The following ZC3H7B variants were observed in gnomAD, a reference collection of about 807,000 sequenced individuals.
ZC3H7B encodes zinc finger CCCH-type containing 7B, also known as zinc finger CCCH domain-containing protein 7B.
A neutral mutation model predicts 116.0 loss-of-function variants in ZC3H7B; 35 were observed. The observed-to-expected ratio is 0.30, with a 90% CI of 0.23 to 0.40. The LOEUF (loss-of-function observed/expected upper bound fraction) is 0.40, where lower values mean the gene tolerates loss of function less well. ZC3H7B is among the 10% of genes least tolerant of loss of function. The pLI is 1.00. For missense variants in ZC3H7B, 1,011 were observed against 1,321.5 expected, an observed-to-expected ratio of 0.77 and a Z score of 3.64; for synonymous variants, 502 against 545.6, an observed-to-expected ratio of 0.92 and a Z score of 1.11.
intron 13 of ZC3H7B, among the ~76,000 whole-genome samples, chr22:41,344,696 G>A (rs1194075284): frequency 6.6e-6 from 1 of 152,212 alleles, no homozygotes; most frequent in African/African-American, 2.4e-5. Flanking sequence ...CAGACTTAGA[G>A]TGGGAGGAGG....
chr22:41,346,603 G>A lies in ZC3H7B; in HGVS notation c.1665+395G>A, dbSNP rs2036588608. Among the ~76,000 whole-genome samples the A allele has an allele frequency of 6.6e-6, 1 of 152,016 alleles. No individual in the cohort carries two copies. The highest frequency in any genetic ancestry group is 1.5e-5 in the Non-Finnish European group (1 of 67,992). The stretch of plus-strand genomic sequence containing the variant: ...GGCTGAGGCGGGCAAATCAATTGAG[G>A]TCAGGAGTTTGAGACCAGCCTGGCC... On this transcript the variant is annotated intron_variant, in intron 14 of 22. Coordinates refer to ENST00000352645, the MANE Select transcript of ZC3H7B (RefSeq NM_017590.6). This position sits in a 1 kb window ranked among gnomAD's most constrained non-coding sequence, Gnocchi z 5.3.
rs1158700408 is a variant in ZC3H7B, at chr22:41,325,917, T to C, written c.284T>C (p.Met95Thr). Residue 95 changes from methionine to threonine, a missense_variant and splice_region_variant, in exon 4 of 23, where the codon ATG becomes ACG. By Grantham distance (81) the Met-to-Thr change is moderately conservative. Coordinates refer to ENST00000352645, the MANE Select transcript of ZC3H7B (RefSeq NM_017590.6). Reference sequence around the variant, plus strand: ...AATAGGGCCGCCTGCTACTTCACCATGGTGAGCCTGGCACCCTCTTTTCTC... The same window carrying C: ...AATAGGGCCGCCTGCTACTTCACCACGGTGAGCCTGGCACCCTCTTTTCTC... The part of the protein sequence containing the change: ...HVNRAACYFT[M>T]GLYEKALEDS... 1.2e-6 allele frequency: 2 copies of C among 1,601,720 alleles called. No homozygotes were observed. Among genetic ancestry groups the C allele is most frequent in the Non-Finnish European group, 1.7e-6 (2 of 1,175,242 alleles).
intron 2 of ZC3H7B, among the ~76,000 whole-genome samples, chr22:41,322,015 A>AG (rs1440531408): frequency 4.1e-5 from 6 of 145,016 alleles, no homozygotes; most frequent in Non-Finnish European, 6.0e-5. Context: ...AATTTTTTGT[A>AG]TTTTTAGTAG....
chr22:41,349,145 A>C lies in ZC3H7B; in HGVS notation c.1792A>C (p.Thr598Pro), dbSNP rs1601793725. The C allele has an allele frequency of 1.2e-6, 2 of 1,613,302 alleles. No individual in the cohort carries two copies. Among genetic ancestry groups the C allele is most frequent in the Non-Finnish European group, 1.7e-6 (2 of 1,179,892 alleles). ...GTGCCTGGTGCACATCGTCCGCTCCACCTCCCTCAAGTACTCCAAGATCCG... is the reference window on the plus strand; with the variant it reads ...GTGCCTGGTGCACATCGTCCGCTCCCCCTCCCTCAAGTACTCCAAGATCCG... ...NKCLVHIVRS[T>P]SLKYSKIRQF... is the part of the protein sequence containing the mutation. Residue 598 changes from threonine (T) to proline (P), a missense_variant, in exon 16 of 23, where the codon ACC (threonine) becomes CCC (proline). Thr to Pro is a conservative substitution (Grantham distance 38). Transcript: ENST00000352645. The surrounding 1 kb of genome is among the most constrained non-coding windows in gnomAD (Gnocchi z 4.9).
chr22:41,356,528 G>A, intron 21 of ZC3H7B, 52 bp downstream of exon 21: 3 of 1,611,664 alleles, frequency 1.9e-6, no homozygotes, highest in Non-Finnish European at 2.5e-6. Context: ...TGTGGTCTGA[G>A]CCTCACCTGG....
chr22:41,348,036 C>G (rs752139791), intron 14 of ZC3H7B, 31 bp from the exon 15 acceptor site: 3 of 1,603,590 alleles, frequency 1.9e-6, no homozygotes, highest in Non-Finnish European at 2.6e-6. Context: ...GGTGGCCATG[C>G]CAGGTCCCAG....
chr22:41,350,008 TG>T (rs1289436033), intron 16 of ZC3H7B, among the ~76,000 whole-genome samples: 1 of 152,116 alleles, frequency 6.6e-6, no homozygotes, highest in African/African-American at 2.4e-5. Context: ...TGAAATGCAG[TG>T]GTAGCATTTC....
intron 7 of ZC3H7B, 180 bp downstream of exon 7, chr22:41,332,407 A>T: frequency 2.7e-6 from 2 of 742,358 alleles, no homozygotes; most frequent in Non-Finnish European, 4.4e-6. Context: ...GTTGGCAGGG[A>T]GTGGTCATTG....
chr22:41,340,111 C>G lies in ZC3H7B; in HGVS notation c.1112C>G (p.Ser371Cys). The G allele has an allele frequency of 1.2e-6, 2 of 1,609,444 alleles. No homozygotes were observed. Among genetic ancestry groups the G allele is most frequent in the Non-Finnish European group, 1.7e-6 (2 of 1,178,372 alleles). The change falls in exon 10 of 23, where the codon TCC becomes TGC. Residue 371 changes from serine to cysteine, a missense_variant. Ser to Cys is a moderately radical substitution (Grantham distance 112). Transcript: ENST00000352645. ...ALDSFGSTRG[S>C]LDKPDSFMEE... The stretch of plus-strand genomic sequence containing the variant: ...GACAGCTTTGGGTCGACACGAGGCT[C>G]CCTGGACAAACCTGACTCCTTCATG...
At chr22:41,308,575 A>G (rs950790158) in intron 1 of ZC3H7B, among the ~76,000 whole-genome samples, 15 of 152,324 alleles carry the variant, frequency 9.8e-5, no homozygotes, top group African/African-American at 2.9e-4. Flanking sequence ...GAACCACTGC[A>G]GTAGCCTCCT....
At position 41,332,164 on chromosome 22, in the gene ZC3H7B, C is replaced by T. The variant is rs1231792279; in HGVS notation, c.526-7C>T. 1 of 1,614,142 alleles carries T rather than the reference C, an allele frequency of 6.2e-7. No individual in the cohort carries two copies. The highest frequency in any genetic ancestry group is 8.5e-7 in the Non-Finnish European group (1 of 1,180,006). On this transcript the variant is annotated splice_polypyrimidine_tract_variant and splice_region_variant and intron_variant, in intron 6 of 22. Coordinates refer to ENST00000352645, the MANE Select transcript of ZC3H7B (RefSeq NM_017590.6). ...ACCTCTGCCCACCTCTCTCCAATCT[C>T]TGGCAGGAATTGGAAACCTTTTCTC...
rs762525367 is a variant in ZC3H7B at position 41,343,434 on chromosome 22, C to T, written c.1317C>T (p.Tyr439=). 13 of 1,612,982 alleles carry T rather than the reference C, an allele frequency of 8.1e-6. No homozygotes were observed. Among genetic ancestry groups the T allele is most frequent in the Non-Finnish European group, 1.1e-5 (13 of 1,179,340 alleles). Residue 439 remains tyrosine (Y), a synonymous_variant, in exon 13 of 23, where the codon TAC becomes TAT. Coordinates refer to ENST00000352645, the MANE Select transcript of ZC3H7B (RefSeq NM_017590.6). The part of the protein sequence containing the change: ...YPKTGPRAGD[Y]TYREGLEHKC... ...CCATAGGCCCCCGGGCTGGCGACTA[C>T]ACCTACCGTGAGGGCCTTGAGCACA...
At chr22:41,320,331 CAAA>C (rs74353356) in intron 1 of ZC3H7B, among the ~76,000 whole-genome samples, 61 of 86,394 alleles carry the variant, frequency 7.1e-4, no homozygotes, top group African/African-American at 1.8e-3. Flanking sequence ...ACTCTGTATC[CAAA>C]AAAAAAAAAA....
In ZC3H7B at chr22:41,349,452, G is replaced by A. The variant is rs765258016; in HGVS notation, c.1948+151G>A. 6.4e-5 allele frequency: 65 copies of A among 1,009,366 alleles called. No individual in the cohort carries two copies. The highest frequency in any genetic ancestry group is 4.2e-4 in the South Asian group (26 of 61,348). The allele number at this position is 1,009,366 out of a possible 1,614,324, so 62.5% of individuals were successfully genotyped here. A position where few individuals can be genotyped will look rare whatever the true frequency, so the allele number is the denominator to read the frequency against. ...GGGAGAGTTCAGGAGAGGTGGCTGC[G>A]GGGTGGGCTCTCTGTGTGTCCCAGG... On this transcript the variant is annotated intron_variant, in intron 16 of 22. Coordinates refer to ENST00000352645, the MANE Select transcript of ZC3H7B (RefSeq NM_017590.6). The surrounding 1 kb of genome is among the most constrained non-coding windows in gnomAD (Gnocchi z 4.9).
chr22:41,326,596 T>C lies in ZC3H7B; in HGVS notation c.286-610T>C, dbSNP rs2036322506. On this transcript the variant is annotated intron_variant, in intron 4 of 22. Transcript: ENST00000352645. ...CCATAGCCTCAGCCTCCTGTTTCTT[T>C]GCGGACTTCAGTGCCTTCCTCCTCC... Among the ~76,000 whole-genome samples the C allele has an allele frequency of 2.0e-5, 3 of 152,132 alleles. No homozygotes were observed. In the South Asian group the frequency reaches 6.2e-4, roughly 32 times the overall value.
In ZC3H7B at chr22:41,355,456, C is replaced by T. The variant is rs1302255117; in HGVS notation, c.2035-13C>T. On this transcript the variant is annotated splice_polypyrimidine_tract_variant and intron_variant, in intron 17 of 22. Transcript: ENST00000352645. ...CTGCAGCTTCACCAACCCCCCTCCC[C>T]ATCCCCCCACAGGGTGCTCCGAGGA... 1.9e-6 allele frequency: 3 copies of T among 1,613,484 alleles called. No homozygotes were observed. Among genetic ancestry groups the T allele is most frequent in the African/African-American group, 2.7e-5 (2 of 75,058 alleles).
chr22:41,328,429 A>C (rs908230266), intron 5 of ZC3H7B, among the ~76,000 whole-genome samples: 4 of 152,324 alleles, frequency 2.6e-5, no homozygotes, highest in African/African-American at 9.6e-5. Context: ...GGGACCAGAG[A>C]TGACTCCGAC....
At position 41,351,524 on chromosome 22, in the gene ZC3H7B, C is replaced by T. The variant is rs746238483; in HGVS notation, c.1949-37C>T. ...CCCTGCCTCCCTCCTTGCTGAGCACCTTGAAAGATGCCTGTGTCTGCCCCC... is the reference window on the plus strand; with the variant it reads ...CCCTGCCTCCCTCCTTGCTGAGCACTTTGAAAGATGCCTGTGTCTGCCCCC... On this transcript the variant is annotated intron_variant, in intron 16 of 22. Transcript: ENST00000352645. This position sits in a 1 kb window ranked among gnomAD's most constrained non-coding sequence, Gnocchi z 5.1. 14 of 1,595,442 alleles carry T rather than the reference C, an allele frequency of 8.8e-6. No individual in the cohort carries two copies. Among genetic ancestry groups the T allele is most frequent in the Non-Finnish European group, 1.0e-5 (12 of 1,170,552 alleles).
chr22:41,342,476 G>C, intron 11 of ZC3H7B, 53 bp from the exon 12 acceptor site: 1 of 1,572,766 alleles, frequency 6.4e-7, no homozygotes, highest in Non-Finnish European at 8.7e-7. Context: ...GCTGGCCCCA[G>C]TGGCCTCAGC....
Sources: allele counts gnomAD v4.1 joint callset (sites outside exome capture counted in the v4.1 genomes callset), GRCh38; gene constraint gnomAD v4.1.1; non-coding constraint Gnocchi (gnomAD v3.1); transcripts MANE v1.5; gene names NCBI Gene and HGNC (gene_info 2026-07-23, HGNC 2026-07-21).